Variants in NRG1 observed in about 807,000 individuals in gnomAD.
NRG1 encodes neuregulin 1.
In NRG1, 18 loss-of-function variants were observed where a neutral mutation model predicts 63.8. The ratio of observed to expected loss-of-function variants is 0.28; its 90% CI spans 0.19 to 0.42. The LOEUF (loss-of-function observed/expected upper bound fraction) is 0.42. Ranked by LOEUF, NRG1 falls within the 10% of genes least tolerant of loss-of-function variation. NRG1 has a pLI of 1.00. For missense variants in NRG1, 762 were observed against 814.7 expected (o/e 0.94, Z 0.79); for synonymous variants, 302 against 301.3 (o/e 1.00, Z -0.02).
chr8:32,413,306 A>G (rs1420649139), intron 1 of NRG1, among the ~76,000 whole-genome samples: 2 of 152,188 alleles, frequency 1.3e-5, no homozygotes, highest in African/African-American at 4.8e-5. Flanking sequence ...CTCAAGGACT[A>G]TTTATTTACT....
chr8:31,974,857 A>G (rs1304087573), intron 1 of NRG1, among the ~76,000 whole-genome samples: 1 of 152,198 alleles, frequency 6.6e-6, no homozygotes, highest in African/African-American at 2.4e-5. Flanking sequence ...TTGAAGGCAT[A>G]ATTTCACTGA....
chr8:32,392,474 C>T (rs1483375179), intron 1 of NRG1, among the ~76,000 whole-genome samples: 7 of 152,132 alleles, frequency 4.6e-5, no homozygotes, highest in Non-Finnish European at 7.4e-5. Context: ...TCCCTTTTTT[C>T]GCATCTCCAT....
chr8:32,355,878 T>C (rs1806318556), intron 1 of NRG1, among the ~76,000 whole-genome samples: 1 of 152,168 alleles, frequency 6.6e-6, no homozygotes, highest in South Asian at 2.1e-4. Flanking sequence ...CTCAGCATAG[T>C]GTTAATGGTC....
intron 1 of NRG1, among the ~76,000 whole-genome samples, chr8:32,379,243 A>G (rs1408839751): frequency 6.6e-6 from 1 of 152,194 alleles, no homozygotes; most frequent in Non-Finnish European, 1.5e-5. Flanking sequence ...ATGAGAGATT[A>G]TGCCTTAAAA....
intron 1 of NRG1, among the ~76,000 whole-genome samples, chr8:32,406,573 T>C (rs201747111): frequency 6.6e-6 from 1 of 152,068 alleles, no homozygotes; most frequent in African/African-American, 2.4e-5. Context: ...GGAATTATTT[T>C]TACAGATTTA....
intron 1 of NRG1, among the ~76,000 whole-genome samples, chr8:32,531,650 T>C (rs1831462310): frequency 6.6e-6 from 1 of 152,268 alleles, no homozygotes; most frequent in East Asian, 1.9e-4. Context: ...ACTTACGAAA[T>C]GGTATTTTTA....
At position 32,560,793 on chromosome 8, in the gene NRG1, T is replaced by C. The variant is rs114920940; in HGVS notation, c.100+11967T>C. The stretch of plus-strand genomic sequence containing the variant: ...TTAAAATATTTTGTTACATTTGTTT[T>C]TGAGTACATAGAAGCAACTAAGAAA... On this transcript the variant is annotated intron_variant, in intron 1 of 11. Transcript: ENST00000356819. 7.9e-3 allele frequency among the ~76,000 whole-genome samples: 1,208 copies of C among 152,332 alleles called. 22 individuals carry two copies. Among genetic ancestry groups the C allele is most frequent in the African/African-American group, 0.026 (1,100 of 41,584 alleles).
rs139943265 is a variant in NRG1, at chr8:32,330,809, G to A, written c.38-265019G>A. On this transcript the variant is annotated intron_variant, in intron 1 of 10. Coordinates refer to the NRG1 transcript ENST00000519301. The stretch of plus-strand genomic sequence containing the variant: ...TGGCACTCACTGCCATATTCACAGC[G>A]TCGTTTTCAGTGTGAAATTCTACTG... 2.3e-3 allele frequency among the ~76,000 whole-genome samples: 344 copies of A among 152,290 alleles called. 2 individuals carry two copies. The highest frequency in any genetic ancestry group is 8.0e-3 in the African/African-American group (333 of 41,564).
chr8:32,611,309 T>C (rs750267004), intron 3 of NRG1, among the ~76,000 whole-genome samples: 5 of 152,098 alleles, frequency 3.3e-5, no homozygotes, highest in Non-Finnish European at 5.9e-5. Context: ...CAATTGCAGC[T>C]TTTAAAAATA....
intron 1 of NRG1, among the ~76,000 whole-genome samples, chr8:31,701,390 T>C: frequency 6.6e-6 from 1 of 152,208 alleles, no homozygotes; most frequent in East Asian, 1.9e-4. Context: ...TGTGAATTTC[T>C]TGTTAATTTC....
At chr8:32,055,567 A>G (rs906091919) in intron 1 of NRG1, among the ~76,000 whole-genome samples, 2 of 152,178 alleles carry the variant, frequency 1.3e-5, no homozygotes, top group African/African-American at 2.4e-5. Context: ...TAAAGTTACT[A>G]TAATGACATT....
At chr8:32,065,697 AC>A (rs1824671478) in intron 1 of NRG1, among the ~76,000 whole-genome samples, 1 of 152,132 alleles carries the variant, frequency 6.6e-6, no homozygotes, top group African/African-American at 2.4e-5. Flanking sequence ...TTGGGTATAT[AC>A]CCAGTAATGG....
At chr8:31,900,870 A>G (rs1248468535) in intron 1 of NRG1, among the ~76,000 whole-genome samples, 1 of 152,182 alleles carries the variant, frequency 6.6e-6, no homozygotes, top group Admixed American at 6.5e-5. Context: ...CAGATTTAAG[A>G]TAAGAGCAAC....
intron 1 of NRG1, among the ~76,000 whole-genome samples, chr8:31,987,142 A>T (rs1218232095): frequency 6.6e-6 from 1 of 151,820 alleles, no homozygotes; most frequent in Non-Finnish European, 1.5e-5. Context: ...TACTACAGAT[A>T]CAAAAATTAG....
At chr8:32,495,737 C>T (rs1178521313) in intron 1 of NRG1, among the ~76,000 whole-genome samples, 1 of 152,144 alleles carries the variant, frequency 6.6e-6, no homozygotes. Context: ...GTTGGGATTA[C>T]AGGAGTGAGC....
At chr8:32,567,770 A>G (rs1348482184) in intron 1 of NRG1, among the ~76,000 whole-genome samples, 3 of 152,276 alleles carry the variant, frequency 2.0e-5, no homozygotes, top group South Asian at 2.1e-4. Context: ...AGGCGTGTGC[A>G]TTGCCTAGAC....
intron 1 of NRG1, among the ~76,000 whole-genome samples, chr8:32,373,613 C>T (rs1357925272): frequency 2.6e-5 from 4 of 151,980 alleles, no homozygotes; most frequent in Non-Finnish European, 5.9e-5. Context: ...CCTATCTCTA[C>T]TAAAAATACA....
intron 5 of NRG1, among the ~76,000 whole-genome samples, chr8:32,645,329 C>A (rs937228268): frequency 3.9e-5 from 6 of 152,204 alleles, no homozygotes; most frequent in African/African-American, 1.4e-4. Flanking sequence ...ACACCATTTA[C>A]TGTGCAGATT....
Position 32,107,125 on chromosome 8 carries a change from A to G in NRG1, c.37+467694A>G, listed in dbSNP as rs1004962634. 4.6e-5 allele frequency among the ~76,000 whole-genome samples: 7 copies of G among 151,974 alleles called. No homozygotes were observed. The South Asian group carries it at 8.3e-4, about 18-fold the overall frequency. On this transcript the variant is annotated intron_variant, in intron 1 of 10. Coordinates refer to the NRG1 transcript ENST00000519301. ...GTGGTGCGTGCCTGTAATCCCAGCT[A>G]CTCAGGAGGCTGAGGCAGGAGTATC...
Sources: gnomAD v4.1 joint callset for allele counts (sites outside exome capture counted in the v4.1 genomes callset) on GRCh38, gnomAD v4.1.1 for gene constraint, MANE v1.5 for transcripts, NCBI Gene and HGNC (gene_info 2026-07-23, HGNC 2026-07-21) for gene names.